The following ANKRD11 variants were observed in gnomAD, a reference collection of about 807,000 sequenced individuals.
The protein encoded by ANKRD11 is ankyrin repeat domain 11.
Under a neutral mutation model 195.7 loss-of-function variants are expected in ANKRD11, and 17 were observed. The ratio of observed to expected loss-of-function variants is 0.09; its 90% CI spans 0.06 to 0.13. ANKRD11 has a LOEUF of 0.13. Ranked by LOEUF, ANKRD11 falls within the 10% of genes least tolerant of loss-of-function variation. The pLI is 1.00. For missense variants in ANKRD11, 3,735 were observed against 3,566.1 expected (o/e 1.05, Z -1.21); for synonymous variants, 1,953 against 1,528.1 (o/e 1.28, Z -6.49).
At chr16:89,329,004 C>T (rs928356424) in intron 2 of ANKRD11, 3 of 141,316 alleles carry the variant, frequency 2.1e-5, no homozygotes, top group East Asian at 2.2e-4. Flanking sequence ...CCCAGGCGCA[C>T]GGGCGAATCT....
At chr16:89,434,452 GAA>G (rs1429892272) in intron 1 of ANKRD11, among the ~76,000 whole-genome samples, 8 of 152,200 alleles carry the variant, frequency 5.3e-5, no homozygotes, top group African/African-American at 1.9e-4. Flanking sequence ...AAAAATGAGA[GAA>G]TCCAGCGAAG....
At position 89,279,135 on chromosome 16, in the gene ANKRD11, G is replaced by A. The variant is rs370673579; in HGVS notation, c.7407C>T (p.Tyr2469=). The A allele has an allele frequency of 6.5e-5, 105 of 1,613,746 alleles. 2 individuals are homozygous for A. The South Asian group carries it at 8.0e-4, about 12-fold the overall frequency. Residue 2469 remains tyrosine, a synonymous_variant, in exon 9 of 13, where the codon TAC becomes TAT. Coordinates refer to ENST00000301030, the MANE Select transcript of ANKRD11 (RefSeq NM_013275.6). This position sits in a 1 kb window ranked among gnomAD's most constrained non-coding sequence, Gnocchi z 5.6. The part of the protein sequence containing the change: ...TPQAPQCYAE[Y]VTYTGSYLLD... ...GGAGGTAGGAGCCCGTGTAGGTGAC[G>A]TACTCGGCGTAGCACTGGGGCGCCT...
intron 2 of ANKRD11, among the ~76,000 whole-genome samples, chr16:89,364,067 A>AAC (rs58145428): frequency 0.014 from 2,098 of 150,424 alleles, 52 homozygotes; most frequent in African/African-American, 0.045. Context: ...GCTGATTTAA[A>AAC]ACACACACAC....
chr16:89,269,386 T>C (rs1178714527), intron 12 of ANKRD11, among the ~76,000 whole-genome samples: 22 of 152,172 alleles, frequency 1.4e-4, no homozygotes, highest in Admixed American at 1.4e-3. Flanking sequence ...TCTAAATTTT[T>C]CTCAACATAT....
At chr16:89,387,766 G>C (rs1035512075) in intron 2 of ANKRD11, among the ~76,000 whole-genome samples, 1 of 151,522 alleles carries the variant, frequency 6.6e-6, no homozygotes, top group African/African-American at 2.4e-5. Flanking sequence ...ACTTTGGGAG[G>C]CTGAGGCAGG....
chr16:89,470,983 A>C (rs2057065166), intron 1 of ANKRD11, among the ~76,000 whole-genome samples: 1 of 151,712 alleles, frequency 6.6e-6, no homozygotes, highest in Non-Finnish European at 1.5e-5. Flanking sequence ...ACAGAGCGAG[A>C]CTCTGTCTCA....
chr16:89,284,733 G>A lies in ANKRD11; in HGVS notation c.1809C>T (p.Ser603=). The change falls in exon 9 of 13, where the codon TCC becomes TCT. Residue 603 remains serine, a synonymous_variant. Transcript: ENST00000301030. ...RKRQEHRKRA[S]LSEKKSPFLS... is the part of the protein sequence containing the mutation. The stretch of plus-strand genomic sequence containing the variant: ...GGAAGGGGCTCTTCTTCTCCGACAG[G>A]GAGGCTCGCTTCCTGTGCTCCTGCC... 2 of 1,613,688 alleles carry A rather than the reference G, an allele frequency of 1.2e-6. No homozygotes were observed. The highest frequency in any genetic ancestry group is 2.2e-5 in the East Asian group (1 of 44,868).
chr16:89,291,780 G>A lies in ANKRD11; in HGVS notation c.227-597C>T. The A allele has an allele frequency of 7.8e-7, 1 of 1,289,734 alleles. No homozygotes were observed. The highest frequency in any genetic ancestry group is 1.0e-6 in the Non-Finnish European group (1 of 988,812). The allele number at this position is 1,289,734 out of a possible 1,614,324, so 79.9% of individuals were successfully genotyped here. A position where few individuals can be genotyped will look rare whatever the true frequency, so the allele number is the denominator to read the frequency against. On this transcript the variant is annotated intron_variant, in intron 4 of 12. Coordinates refer to ENST00000301030, the MANE Select transcript of ANKRD11 (RefSeq NM_013275.6). The surrounding 1 kb of genome is among the most constrained non-coding windows in gnomAD (Gnocchi z 5.3). ...AACAGGGACTGGGCTGGAGGCATCT[G>A]AAGGCATCAACACAGAGCACTAACA...
intron 1 of ANKRD11, among the ~76,000 whole-genome samples, chr16:89,433,221 G>C (rs1357538596): frequency 6.6e-6 from 1 of 152,186 alleles, no homozygotes. Context: ...CTTCAAGAGG[G>C]TTTCATGACA....
chr16:89,290,237 G>C (rs1394150907), intron 6 of ANKRD11, among the ~76,000 whole-genome samples: 1 of 22,540 alleles, frequency 4.4e-5, no homozygotes, highest in East Asian at 3.0e-4. Context: ...GGAGGCTCAG[G>C]GCTCCAGCGG....
In ANKRD11 at chr16:89,475,569, C is replaced by G. The variant is rs147393739; in HGVS notation, c.-145+14676G>C. Among the ~76,000 whole-genome samples the G allele has an allele frequency of 3.5e-3, 533 of 152,242 alleles. 3 individuals are homozygous for G. The highest frequency in any genetic ancestry group is 0.012 in the African/African-American group (505 of 41,556). On this transcript the variant is annotated intron_variant, in intron 1 of 12. Coordinates refer to ENST00000301030, the MANE Select transcript of ANKRD11 (RefSeq NM_013275.6). The stretch of plus-strand genomic sequence containing the variant: ...ATTAATGCTAATTATTTATTCACTA[C>G]CCACACAAAAGATAATTTTTCCTAA...
intron 2 of ANKRD11, chr16:89,324,254 G>A (rs1338697571): frequency 2.5e-6 from 3 of 1,223,460 alleles, no homozygotes; most frequent in Admixed American, 2.9e-5. Flanking sequence ...TTGGTCACTG[G>A]GCTGTGGAAC....
chr16:89,342,498 G>C (rs2038738442), intron 2 of ANKRD11, among the ~76,000 whole-genome samples: 1 of 152,250 alleles, frequency 6.6e-6, no homozygotes, highest in Non-Finnish European at 1.5e-5. Context: ...AACGGGCAGG[G>C]AGAGGCCAGC....
At chr16:89,441,544 G>C (rs567937483) in intron 1 of ANKRD11, among the ~76,000 whole-genome samples, 1 of 151,966 alleles carries the variant, frequency 6.6e-6, no homozygotes, top group African/African-American at 2.4e-5. Flanking sequence ...AAGGCGGGCG[G>C]ATCACGAGGT....
chr16:89,300,039 G>A, intron 4 of ANKRD11: 1 of 193,802 alleles, frequency 5.2e-6, no homozygotes, highest in South Asian at 4.9e-5. Context: ...CGTGGGGTCT[G>A]TGCCCTGTGT....
intron 2 of ANKRD11, among the ~76,000 whole-genome samples, chr16:89,372,229 G>A (rs2040224501): frequency 6.6e-6 from 1 of 152,214 alleles, no homozygotes; most frequent in Admixed American, 6.5e-5. Flanking sequence ...CTCAGAGCTG[G>A]GGAAAGAGCC....
At chr16:89,371,128 G>T (rs1264870272) in intron 2 of ANKRD11, among the ~76,000 whole-genome samples, 1 of 152,170 alleles carries the variant, frequency 6.6e-6, no homozygotes. Context: ...AAGACGGGAC[G>T]AGCGTCTTGA....
intron 2 of ANKRD11, among the ~76,000 whole-genome samples, chr16:89,410,221 C>T (rs549737618): frequency 1.7e-4 from 26 of 152,296 alleles, no homozygotes; most frequent in Non-Finnish European, 3.1e-4. Context: ...GATGCCAACC[C>T]GGTGGGTACG....
At chr16:89,449,660 G>A (rs981314581) in intron 1 of ANKRD11, among the ~76,000 whole-genome samples, 4 of 152,096 alleles carry the variant, frequency 2.6e-5, no homozygotes, top group African/African-American at 9.7e-5. Context: ...GGGCGTGGTG[G>A]TACATGCCTG....
Sources: gnomAD v4.1 joint callset for allele counts (sites outside exome capture counted in the v4.1 genomes callset) on GRCh38, gnomAD v4.1.1 for gene constraint, Gnocchi (gnomAD v3.1) non-coding constraint, MANE v1.5 for transcripts, NCBI Gene and HGNC (gene_info 2026-07-23, HGNC 2026-07-21) for gene names.